The following RGS6 variants were observed in gnomAD, a reference collection of about 807,000 sequenced individuals.
RGS6 encodes regulator of G protein signaling 6, also known as regulator of G-protein signaling 6.
RGS6 carries 30 observed loss-of-function variants against 78.5 expected under a neutral mutation model. That is an observed-to-expected ratio of 0.38 (90% CI 0.29 to 0.52). The LOEUF is 0.52. RGS6 is among the 20% of genes least tolerant of loss of function. The probability of loss-of-function intolerance (pLI) is 0.85; values close to 1 mark genes in which losing one functional copy is unlikely to be tolerated. For synonymous variants in RGS6, 206 were observed against 206.0 expected, an observed-to-expected ratio of 1.00 and a Z score of 0.00; for missense variants, 495 against 609.7, an observed-to-expected ratio of 0.81 and a Z score of 1.98.
chr14:72,349,349 G>A (rs2078684051), intron 2 of RGS6, among the ~76,000 whole-genome samples: 1 of 152,104 alleles, frequency 6.6e-6, no homozygotes, highest in South Asian at 2.1e-4. Context: ...GGCAAGAGAA[G>A]GGAGTAACTA....
intron 2 of RGS6, among the ~76,000 whole-genome samples, chr14:72,007,496 C>G (rs1300897602): frequency 6.6e-6 from 1 of 152,200 alleles, no homozygotes; most frequent in African/African-American, 2.4e-5. Context: ...CTGCGTGCAA[C>G]CCAGGATGGC....
At chr14:71,969,112 A>G (rs894452094) in intron 2 of RGS6, among the ~76,000 whole-genome samples, 4 of 152,150 alleles carry the variant, frequency 2.6e-5, no homozygotes, top group African/African-American at 9.7e-5. Context: ...GCTGAGAATG[A>G]TGGTTTCCAG....
At chr14:72,014,523 G>A (rs2086554732) in intron 2 of RGS6, among the ~76,000 whole-genome samples, 1 of 152,228 alleles carries the variant, frequency 6.6e-6, no homozygotes, top group South Asian at 2.1e-4. Context: ...ACTGAGGTGG[G>A]TGATGAGGGC....
chr14:72,013,163 C>T (rs1006896077), intron 2 of RGS6, among the ~76,000 whole-genome samples: 13 of 147,282 alleles, frequency 8.8e-5, no homozygotes, highest in African/African-American at 3.3e-4. Flanking sequence ...GCCAACTACT[C>T]GGGAGGTTGA....
At chr14:72,516,992 GAC>G (rs147290997) in intron 14 of RGS6, 30 of 140,010 alleles carry the variant, frequency 2.1e-4, no homozygotes, top group Admixed American at 2.7e-4. Context: ...AGCATTTGGG[GAC>G]ACACACACAC....
chr14:72,009,378 T>C (rs1001102225), intron 2 of RGS6, among the ~76,000 whole-genome samples: 3 of 151,888 alleles, frequency 2.0e-5, no homozygotes, highest in Non-Finnish European at 2.9e-5. Flanking sequence ...GACAAAAACA[T>C]TGAGCACTAA....
intron 2 of RGS6, among the ~76,000 whole-genome samples, chr14:72,191,889 G>A (rs1273359539): frequency 6.6e-6 from 1 of 152,070 alleles, no homozygotes; most frequent in Admixed American, 6.6e-5. Context: ...TTCAGAACTC[G>A]ATCAAGTGCT....
chr14:72,626,673 TA>T, the RGS6 span, among the ~76,000 whole-genome samples: 1 of 152,124 alleles, frequency 6.6e-6, no homozygotes, highest in Non-Finnish European at 1.5e-5. Flanking sequence ...ATGTTGCAGG[TA>T]TATCTTCAAG....
At chr14:72,405,522 G>T (rs1341650740) in intron 3 of RGS6, among the ~76,000 whole-genome samples, 3 of 152,196 alleles carry the variant, frequency 2.0e-5, no homozygotes, top group Non-Finnish European at 4.4e-5. Context: ...AGTCACATAT[G>T]CCTTAACATC....
At chr14:72,533,407 A>G (rs902324834) in intron 15 of RGS6, among the ~76,000 whole-genome samples, 1 of 152,252 alleles carries the variant, frequency 6.6e-6, no homozygotes, top group African/African-American at 2.4e-5. Context: ...AAGGAGATTA[A>G]TGTTGTTTTC....
At chr14:72,135,764 A>G (rs918968114) in intron 2 of RGS6, among the ~76,000 whole-genome samples, 1 of 152,146 alleles carries the variant, frequency 6.6e-6, no homozygotes, top group Non-Finnish European at 1.5e-5. Context: ...AGATGGTTAT[A>G]TGGTGCCATT....
chr14:72,009,393 G>A (rs1025577755), intron 2 of RGS6, among the ~76,000 whole-genome samples: 1 of 152,114 alleles, frequency 6.6e-6, no homozygotes, highest in African/African-American at 2.4e-5. Context: ...CACTAAGTCT[G>A]TGATAAGCTT....
intron 12 of RGS6, among the ~76,000 whole-genome samples, chr14:72,479,320 G>A (rs1485188279): frequency 6.6e-6 from 1 of 152,188 alleles, no homozygotes; most frequent in East Asian, 1.9e-4. Context: ...CTGGACTTGG[G>A]CTCACGTCTT....
At chr14:72,056,361 A>G (rs942294795) in intron 2 of RGS6, among the ~76,000 whole-genome samples, 3 of 152,292 alleles carry the variant, frequency 2.0e-5, no homozygotes, top group East Asian at 1.9e-4. Flanking sequence ...CTATACTTAC[A>G]TTCTTTCTTA....
At chr14:72,418,775 A>T (rs2093993510) in intron 3 of RGS6, among the ~76,000 whole-genome samples, 1 of 152,206 alleles carries the variant, frequency 6.6e-6, no homozygotes. Context: ...TAAAAAGACA[A>T]ATCTGCTGAG....
chr14:72,216,569 T>G (rs1001547158), intron 2 of RGS6, among the ~76,000 whole-genome samples: 1 of 152,202 alleles, frequency 6.6e-6, no homozygotes, highest in Non-Finnish European at 1.5e-5. Flanking sequence ...TTCACTAACA[T>G]GTAAAGGAAA....
the RGS6 span, among the ~76,000 whole-genome samples, chr14:71,882,904 AGGCCAGAGCT>A: frequency 6.6e-6 from 1 of 152,304 alleles, no homozygotes; most frequent in Admixed American, 6.5e-5. Flanking sequence ...GCCTTTCATT[AGGCCAGAGCT>A]GGTTCTGGGT....
intron 15 of RGS6, among the ~76,000 whole-genome samples, chr14:72,529,783 G>T (rs1420125062): frequency 1.3e-5 from 2 of 152,164 alleles, no homozygotes; most frequent in Non-Finnish European, 2.9e-5. Context: ...GTCATCCCCA[G>T]GTATACACAT....
chr14:72,281,112 G>A (rs1330823991), intron 2 of RGS6, among the ~76,000 whole-genome samples: 1 of 150,694 alleles, frequency 6.6e-6, no homozygotes, highest in Non-Finnish European at 1.5e-5. Context: ...GGCATATGTA[G>A]CAAGCTAAAA....
Sources: allele counts gnomAD v4.1 joint callset (sites outside exome capture counted in the v4.1 genomes callset), GRCh38; gene constraint gnomAD v4.1.1; transcripts MANE v1.5; gene names NCBI Gene and HGNC (gene_info 2026-07-23, HGNC 2026-07-21).